Variants in RBFOX1 observed in about 807,000 individuals in gnomAD.
RBFOX1 encodes RNA binding protein fox-1 homolog 1.
RBFOX1 carries 8 observed loss-of-function variants against 57.7 expected under a neutral mutation model. The ratio of observed to expected loss-of-function variants is 0.14; its 90% CI spans 0.08 to 0.25. The LOEUF is 0.25. Ranked by LOEUF, RBFOX1 falls within the 10% of genes least tolerant of loss-of-function variation. The pLI is 1.00. For synonymous variants in RBFOX1, 326 were observed against 222.4 expected, an observed-to-expected ratio of 1.47 and a Z score of -4.15; for missense variants, 611 against 548.5, an observed-to-expected ratio of 1.11 and a Z score of -1.14.
intron 14 of RBFOX1, among the ~76,000 whole-genome samples, chr16:7,696,665 G>A (rs987187531): frequency 6.6e-6 from 1 of 152,074 alleles, no homozygotes; most frequent in Admixed American, 6.6e-5. Context: ...TGGTATGGGA[G>A]AACAGATCCC....
chr16:5,615,387 A>C (rs534395714), intron 3 of RBFOX1, among the ~76,000 whole-genome samples: 1 of 152,196 alleles, frequency 6.6e-6, no homozygotes, highest in African/African-American at 2.4e-5. Flanking sequence ...TGTGTGCTTG[A>C]TAGACCCTAG....
intron 3 of RBFOX1, among the ~76,000 whole-genome samples, chr16:6,919,373 C>T (rs910763972): frequency 5.9e-5 from 9 of 152,098 alleles, no homozygotes; most frequent in African/African-American, 1.9e-4. Flanking sequence ...AACAGCCCAG[C>T]AGTTTAGGTT....
At chr16:5,747,806 T>G (rs989742052) in intron 3 of RBFOX1, among the ~76,000 whole-genome samples, 2 of 152,206 alleles carry the variant, frequency 1.3e-5, no homozygotes, top group Non-Finnish European at 1.5e-5. Flanking sequence ...ATCAATTTTG[T>G]TGATCTTTCA....
At chr16:7,179,398 C>G (rs111367534) in intron 4 of RBFOX1, among the ~76,000 whole-genome samples, 1,667 of 152,264 alleles carry the variant, frequency 0.011, 25 homozygotes, top group African/African-American at 0.037. Flanking sequence ...ATTTTCTCTG[C>G]CTTCCATCTC....
rs149099899 is a variant in RBFOX1, at chr16:6,118,146, A to C, written c.-127+98154A>C. ...CATAATACAATAATAGAAACTAATA[A>C]GTTAGCATTAAGACCATGCTGTTAA... On this transcript the variant is annotated intron_variant, in intron 1 of 15. Transcript: ENST00000550418. Among the ~76,000 whole-genome samples, 1,050 of 152,332 alleles carry C rather than the reference A, an allele frequency of 6.9e-3. 17 individuals are homozygous for C. Among genetic ancestry groups the C allele is most frequent in the African/African-American group, 0.024 (999 of 41,574 alleles).
intron 1 of RBFOX1, among the ~76,000 whole-genome samples, chr16:6,114,549 A>G (rs1409412674): frequency 7.1e-6 from 1 of 140,144 alleles, no homozygotes; most frequent in Non-Finnish European, 1.5e-5. Context: ...ATTAGAATCA[A>G]TGGCATAAAA....
chr16:5,905,413 T>C (rs186153813), intron 4 of RBFOX1, among the ~76,000 whole-genome samples: 3 of 152,136 alleles, frequency 2.0e-5, no homozygotes, highest in Non-Finnish European at 2.9e-5. Context: ...GGGAAGCCCA[T>C]GTGAAGACAC....
intron 4 of RBFOX1, among the ~76,000 whole-genome samples, chr16:7,245,805 C>T (rs7197334): frequency 0.65 from 98,474 of 152,098 alleles, 33,681 homozygotes; most frequent in African/African-American, 0.88. Flanking sequence ...GTGCTTTAGA[C>T]AGCACTTCAT....
At chr16:6,098,054 A>C (rs1397670038) in intron 1 of RBFOX1, among the ~76,000 whole-genome samples, 5 of 152,090 alleles carry the variant, frequency 3.3e-5, no homozygotes, top group Admixed American at 1.3e-4. Flanking sequence ...GGGTTATGCT[A>C]TTTTTCAAAG....
At chr16:6,650,955 T>G (rs941005778) in intron 2 of RBFOX1, among the ~76,000 whole-genome samples, 1 of 152,180 alleles carries the variant, frequency 6.6e-6, no homozygotes. Context: ...CAGGCTGAAG[T>G]GCAATGGCAT....
chr16:6,655,010 C>G lies in RBFOX1; in HGVS notation c.-16+360C>G, dbSNP rs570818508. Reference sequence around the variant, plus strand: ...ATATGTATAATTAATTATATTATTACTTACATTATAGAATATATAATATTA... The same window carrying G: ...ATATGTATAATTAATTATATTATTAGTTACATTATAGAATATATAATATTA... On this transcript the variant is annotated intron_variant, in intron 3 of 15. Transcript: ENST00000550418. Among the ~76,000 whole-genome samples the G allele has an allele frequency of 3.3e-5, 5 of 151,536 alleles. No homozygotes were observed. The South Asian group carries it at 1.0e-3, about 32-fold the overall frequency.
intron 3 of RBFOX1, among the ~76,000 whole-genome samples, chr16:6,988,557 AACTTT>A (rs1437326505): frequency 9.2e-5 from 13 of 141,210 alleles, no homozygotes; most frequent in East Asian, 8.1e-4. Context: ...ATTTTAATTT[AACTTT>A]ATTTAATTTT....
intron 3 of RBFOX1, among the ~76,000 whole-genome samples, chr16:6,703,575 T>C (rs373310791): frequency 6.6e-6 from 1 of 151,950 alleles, no homozygotes; most frequent in East Asian, 1.9e-4. Flanking sequence ...CCTGGTGTGG[T>C]GTTGCACACC....
intron 2 of RBFOX1, among the ~76,000 whole-genome samples, chr16:6,340,568 G>A (rs2084411623): frequency 6.6e-6 from 1 of 152,186 alleles, no homozygotes; most frequent in Admixed American, 6.5e-5. Flanking sequence ...ACCATGTAGG[G>A]TAACTTCCTG....
chr16:5,509,562 G>A (rs1037573186), intron 2 of RBFOX1, among the ~76,000 whole-genome samples: 2 of 152,226 alleles, frequency 1.3e-5, no homozygotes, highest in Non-Finnish European at 2.9e-5. Flanking sequence ...GGGTGTAGGT[G>A]TTGTTAGAGT....
At position 6,975,789 on chromosome 16, in the gene RBFOX1, C is replaced by G. The variant is rs13330133; in HGVS notation, c.-15-76268C>G. 4.1e-3 allele frequency among the ~76,000 whole-genome samples: 627 copies of G among 152,166 alleles called. 11 individuals carry two copies. Among genetic ancestry groups the G allele is most frequent in the African/African-American group, 0.014 (601 of 41,520 alleles). ...AGTGTACTTGGTGGGTAATTAGGAG[C>G]TTGCTGAGTGAATAAAGATAATGGT... On this transcript the variant is annotated intron_variant, in intron 3 of 15. Transcript: ENST00000550418.
chr16:5,438,893 A>T lies in RBFOX1; in HGVS notation c.220-28323A>T, dbSNP rs537192657. On this transcript the variant is annotated intron_variant, in intron 1 of 2. Transcript: ENST00000585867. ...GTGATCAGGATAATAAGGGAGGTGA[A>T]GAAGGTCTCTCTTGTCTTCAAGCTA... is the stretch of plus-strand genomic sequence containing the variant. Among the ~76,000 whole-genome samples, 8 of 152,214 alleles carry T rather than the reference A, an allele frequency of 5.3e-5. No individual in the cohort carries two copies. In the South Asian group the frequency reaches 1.7e-3, roughly 32 times the overall value.
At chr16:5,261,792 C>T (rs548061623) in intron 1 of RBFOX1, among the ~76,000 whole-genome samples, 60 of 152,226 alleles carry the variant, frequency 3.9e-4, no homozygotes, top group African/African-American at 1.1e-3. Context: ...CCTCGTGATC[C>T]GCTGGCCTGG....
chr16:7,187,546 A>G (rs1017293381), intron 4 of RBFOX1, among the ~76,000 whole-genome samples: 52 of 151,350 alleles, frequency 3.4e-4, no homozygotes, highest in African/African-American at 1.0e-3. Flanking sequence ...AAAATTAGCC[A>G]GGCGTGGTGG....
Sources: gnomAD v4.1 joint callset for allele counts (sites outside exome capture counted in the v4.1 genomes callset) on GRCh38, gnomAD v4.1.1 for gene constraint, MANE v1.5 for transcripts, NCBI Gene and HGNC (gene_info 2026-07-23, HGNC 2026-07-21) for gene names.